CTNND2: variants seen among roughly 807,000 people sequenced by gnomAD.
The protein encoded by CTNND2 is catenin delta-2.
CTNND2 carries 22 observed loss-of-function variants against 144.4 expected under a neutral mutation model. That is an observed-to-expected ratio of 0.15 (90% CI 0.11 to 0.22). The LOEUF (loss-of-function observed/expected upper bound fraction) is 0.22, where lower values mean the gene tolerates loss of function less well. CTNND2 is among the 10% of genes least tolerant of loss of function. The pLI is 1.00. For missense variants in CTNND2, 1,353 were observed against 1,618.8 expected, an observed-to-expected ratio of 0.84 and a Z score of 2.82; for synonymous variants, 751 against 695.6, an observed-to-expected ratio of 1.08 and a Z score of -1.25.
chr5:11,497,226 C>CT (rs5865948), intron 3 of CTNND2, among the ~76,000 whole-genome samples: 6,255 of 145,596 alleles, frequency 0.043, 428 homozygotes, highest in African/African-American at 0.15. Flanking sequence ...CATGTGACTA[C>CT]TTTTTTTTTT....
chr5:11,657,598 T>C (rs767889000), intron 2 of CTNND2, among the ~76,000 whole-genome samples: 3 of 152,170 alleles, frequency 2.0e-5, no homozygotes, highest in Non-Finnish European at 4.4e-5. Flanking sequence ...GCTAGTTAAT[T>C]CTGACCATTA....
chr5:11,757,716 C>T (rs964482939), intron 1 of CTNND2, among the ~76,000 whole-genome samples: 12 of 151,782 alleles, frequency 7.9e-5, no homozygotes, highest in African/African-American at 2.9e-4. Flanking sequence ...CTGTAGAGTC[C>T]GTTAGACAAA....
chr5:11,880,657 T>TACCAC (rs1735997576), intron 1 of CTNND2, among the ~76,000 whole-genome samples: 3 of 96,376 alleles, frequency 3.1e-5, no homozygotes, highest in African/African-American at 8.4e-5. Context: ...ACTACTACTA[T>TACCAC]CACCACTACT....
intron 3 of CTNND2, among the ~76,000 whole-genome samples, chr5:11,477,260 AC>A (rs1318432277): frequency 5.9e-5 from 9 of 152,210 alleles, no homozygotes. Context: ...TAGAAAAGCA[AC>A]TTTTTTTGTT....
chr5:11,538,166 G>A (rs116429375), intron 3 of CTNND2, among the ~76,000 whole-genome samples: 1,856 of 152,258 alleles, frequency 0.012, 15 homozygotes, highest in Non-Finnish European at 0.018. Context: ...TGGCTGATTC[G>A]AGAATAGCCT....
At chr5:11,714,758 A>T (rs966918739) in intron 2 of CTNND2, among the ~76,000 whole-genome samples, 4 of 152,038 alleles carry the variant, frequency 2.6e-5, no homozygotes, top group Non-Finnish European at 1.5e-5. Flanking sequence ...TACAAAAAAA[A>T]ATTAGCCGGG....
intron 6 of CTNND2, among the ~76,000 whole-genome samples, chr5:11,389,733 T>C (rs1759458115): frequency 6.6e-6 from 1 of 152,224 alleles, no homozygotes; most frequent in Non-Finnish European, 1.5e-5. Flanking sequence ...TACTACAGTC[T>C]GGGAATCCCT....
chr5:11,754,261 GT>G (rs1788784483), intron 1 of CTNND2, among the ~76,000 whole-genome samples: 1 of 151,596 alleles, frequency 6.6e-6, no homozygotes, highest in Non-Finnish European at 1.5e-5. Context: ...TAGGTGTGAT[GT>G]TAGGTTGTGA....
intron 2 of CTNND2, among the ~76,000 whole-genome samples, chr5:11,592,157 TGCCTGCC>T (rs1779279248): frequency 1.5e-5 from 2 of 134,310 alleles, no homozygotes; most frequent in Non-Finnish European, 3.3e-5. Context: ...CCTGCCTTCC[TGCCTGCC>T]TGCCTTCCTG....
chr5:11,604,204 C>T (rs1489070731), intron 2 of CTNND2, among the ~76,000 whole-genome samples: 1 of 152,106 alleles, frequency 6.6e-6, no homozygotes, highest in African/African-American at 2.4e-5. Flanking sequence ...GGGAGTGAGA[C>T]TTTGGAATAA....
At chr5:11,587,612 A>G (rs1778959585) in intron 2 of CTNND2, among the ~76,000 whole-genome samples, 1 of 152,100 alleles carries the variant, frequency 6.6e-6, no homozygotes, top group South Asian at 2.1e-4. Context: ...ATTTCATATA[A>G]TATTAATCAA....
chr5:11,281,340 T>C (rs1289608765), intron 9 of CTNND2, among the ~76,000 whole-genome samples: 4 of 152,184 alleles, frequency 2.6e-5, no homozygotes, highest in African/African-American at 2.4e-5. Flanking sequence ...TTCTAAAATG[T>C]TCCTTTTGGT....
intron 12 of CTNND2, among the ~76,000 whole-genome samples, chr5:11,152,480 C>T (rs1186186112): frequency 2.6e-5 from 4 of 152,168 alleles, no homozygotes; most frequent in Admixed American, 6.5e-5. Flanking sequence ...TGTGTAAGTG[C>T]GCCCTATGGT....
intron 18 of CTNND2, among the ~76,000 whole-genome samples, chr5:10,996,382 G>A (rs577071280): frequency 1.3e-4 from 20 of 150,578 alleles, no homozygotes; most frequent in Non-Finnish European, 2.4e-4. Context: ...GGAGGGGAGC[G>A]GAGATCCTTC....
chr5:11,657,932 GCTT>G lies in CTNND2; in HGVS notation c.174+74201_174+74203del, dbSNP rs558030444. Among the ~76,000 whole-genome samples the G allele has an allele frequency of 1.0e-3, 152 of 152,114 alleles. 1 individual carries two copies. Among genetic ancestry groups the G allele is most frequent in the Non-Finnish European group, 1.7e-3 (116 of 67,946 alleles). On this transcript the variant is annotated intron_variant, in intron 2 of 21. Transcript: ENST00000304623. ...TTTGAATGATACAAAAACCTAAGCT[GCTT>G]CTTAACTTTATGACTTTTGTTATAC...
chr5:11,277,988 CCG>C (rs1160281921), intron 9 of CTNND2, among the ~76,000 whole-genome samples: 1 of 152,160 alleles, frequency 6.6e-6, no homozygotes, highest in Non-Finnish European at 1.5e-5. Context: ...CTTTTCTGTA[CCG>C]CACAGTAGTT....
At chr5:11,420,247 G>C (rs1032006912) in intron 3 of CTNND2, among the ~76,000 whole-genome samples, 5 of 152,046 alleles carry the variant, frequency 3.3e-5, no homozygotes, top group Admixed American at 1.3e-4. Context: ...TGCTTGAACC[G>C]GGGAGGTGGA....
chr5:11,481,501 G>A (rs1768260107), intron 3 of CTNND2, among the ~76,000 whole-genome samples: 1 of 152,132 alleles, frequency 6.6e-6, no homozygotes, highest in Admixed American at 6.6e-5. Flanking sequence ...TACTTGGAAG[G>A]CTGAGATGGG....
At chr5:11,340,257 T>G (rs1385408284) in intron 9 of CTNND2, among the ~76,000 whole-genome samples, 1 of 152,194 alleles carries the variant, frequency 6.6e-6, no homozygotes, top group Non-Finnish European at 1.5e-5. Context: ...TATTTCCCCA[T>G]AGCATGATGG....
Sources: gnomAD v4.1 joint callset for allele counts (sites outside exome capture counted in the v4.1 genomes callset) on GRCh38, gnomAD v4.1.1 for gene constraint, MANE v1.5 for transcripts, NCBI Gene and HGNC (gene_info 2026-07-23, HGNC 2026-07-21) for gene names.